Variants in FARP1 observed in about 807,000 individuals in gnomAD.
FARP1 encodes the protein FERM, ARH/RhoGEF and pleckstrin domain protein 1, also known as FERM, ARHGEF and pleckstrin domain-containing protein 1.
FARP1 carries 52 observed loss-of-function variants against 128.8 expected under a neutral mutation model. The ratio of observed to expected loss-of-function variants is 0.40; its 90% confidence interval spans 0.32 to 0.51. FARP1 has a LOEUF of 0.51. Among genes scored for constraint, FARP1 ranks in the 20% least tolerant of loss-of-function variants. FARP1 has a pLI of 0.45. For missense variants in FARP1, 1,333 were observed against 1,367.9 expected, an observed-to-expected ratio of 0.97 and a Z score of 0.40; for synonymous variants, 580 against 551.8, an observed-to-expected ratio of 1.05 and a Z score of -0.72.
chr13:98,157,710 ATT>A (rs1876587773), intron 1 of FARP1, among the ~76,000 whole-genome samples: 1 of 152,178 alleles, frequency 6.6e-6, no homozygotes, highest in Non-Finnish European at 1.5e-5. Flanking sequence ...ACAGCTTATA[ATT>A]GGCAGAGCAG....
At chr13:98,390,774 G>A (rs368490761) in intron 10 of FARP1, 38 bp from the exon 11 acceptor site, 24 of 1,480,042 alleles carry the variant, frequency 1.6e-5, no homozygotes, top group Non-Finnish European at 2.3e-5. Flanking sequence ...AGAATGCCTT[G>A]GTATTTCTCC....
At chr13:98,438,475 C>T (rs1446506841) in intron 19 of FARP1, among the ~76,000 whole-genome samples, 1 of 152,104 alleles carries the variant, frequency 6.6e-6, no homozygotes, top group Non-Finnish European at 1.5e-5. Flanking sequence ...CCCGACCGTC[C>T]GTATCCTTTG....
At chr13:98,435,979 G>T (rs938769057) in intron 19 of FARP1, 1 of 430,236 alleles carries the variant, frequency 2.3e-6, no homozygotes, top group Non-Finnish European at 4.5e-6. Flanking sequence ...TCCCACAGAA[G>T]ATTTGAGATT....
chr13:98,438,813 C>T lies in FARP1; in HGVS notation c.2284C>T (p.Arg762Cys), dbSNP rs745779296. Reference protein sequence around the residue: ...NLVVPGREFIRLGSLSKLSGK... With the variant: ...NLVVPGREFICLGSLSKLSGK... ...TCTGTCTCCCCTGCAGGAGTTCATC[C>T]GTCTGGGCAGCCTCAGCAAGCTCTC... Residue 762 changes from arginine (R) to cysteine (C), a missense_variant, in exon 20 of 27, where the codon CGT (arginine) becomes TGT (cysteine). Arg to Cys is a radical substitution (Grantham distance 180). Coordinates refer to ENST00000319562, the MANE Select transcript of FARP1 (RefSeq NM_005766.4). 138 of 1,612,548 alleles carry T rather than the reference C, an allele frequency of 8.6e-5. 4 individuals are homozygous for T. In the Admixed American group the frequency reaches 1.8e-3, roughly 21 times the overall value.
chr13:98,314,383 G>A (rs1393000012), intron 2 of FARP1, among the ~76,000 whole-genome samples: 1 of 140,540 alleles, frequency 7.1e-6, no homozygotes, highest in Non-Finnish European at 1.5e-5. Flanking sequence ...GGGTTCAAGC[G>A]ATTCTCCTGC....
At chr13:98,373,035 C>G (rs1889415969) in intron 5 of FARP1, among the ~76,000 whole-genome samples, 1 of 152,166 alleles carries the variant, frequency 6.6e-6, no homozygotes, top group Admixed American at 6.5e-5. Flanking sequence ...AGTTAGTACC[C>G]AGGAAGCTAC....
At chr13:98,395,604 G>A (rs769299796) in intron 13 of FARP1, 128 bp downstream of exon 13, 5 of 1,163,716 alleles carry the variant, frequency 4.3e-6, no homozygotes, top group Non-Finnish European at 6.0e-6. Context: ...CCCGGTCCCG[G>A]TCCCAAACAA....
intron 6 of FARP1, among the ~76,000 whole-genome samples, chr13:98,379,439 C>T (rs1889803681): frequency 6.6e-6 from 1 of 151,330 alleles, no homozygotes; most frequent in South Asian, 2.1e-4. Context: ...TTGAGTCTGG[C>T]AGACCTGATT....
At chr13:98,279,398 T>TC (rs147278837) in intron 2 of FARP1, among the ~76,000 whole-genome samples, 12,702 of 152,176 alleles carry the variant, frequency 0.083, 1,081 homozygotes, top group African/African-American at 0.22. Flanking sequence ...AAAAATTTGC[T>TC]CCCCCTTGCA....
Position 98,448,440 on chromosome 13 carries a change from C to T in FARP1, c.*123C>T. Reference sequence around the variant, plus strand: ...AATCAAAAACATGGCTTCCCAGCAGCTCTCCTGTCTCCACAGCCGCGTTTT... The same window carrying T: ...AATCAAAAACATGGCTTCCCAGCAGTTCTCCTGTCTCCACAGCCGCGTTTT... On this transcript the variant is annotated 3_prime_UTR_variant, in exon 27 of 27. Transcript: ENST00000319562. 1.3e-6 allele frequency: 1 copy of T among 793,456 alleles called. No individual in the cohort carries two copies. The highest frequency in any genetic ancestry group is 1.7e-5 in the African/African-American group (1 of 58,742). 49.2% of individuals were successfully genotyped at this position (793,456 alleles called of 1,614,324 possible).
At chr13:98,380,653 A>G (rs1889858299) in intron 6 of FARP1, among the ~76,000 whole-genome samples, 1 of 152,060 alleles carries the variant, frequency 6.6e-6, no homozygotes, top group Admixed American at 6.5e-5. Flanking sequence ...GGCTCACTGC[A>G]GCCTCGACCT....
At chr13:98,181,293 G>A (rs1878491960) in intron 1 of FARP1, among the ~76,000 whole-genome samples, 1 of 152,120 alleles carries the variant, frequency 6.6e-6, no homozygotes, top group South Asian at 2.1e-4. Context: ...ACATCCTGGC[G>A]CTGTGACCGA....
In FARP1 at chr13:98,442,120, T is replaced by C. The variant is rs1023997363; in HGVS notation, c.2796+1284T>C. On this transcript the variant is annotated intron_variant, in intron 24 of 26. Coordinates refer to ENST00000319562, the MANE Select transcript of FARP1 (RefSeq NM_005766.4). The stretch of plus-strand genomic sequence containing the variant: ...TGAATGCTCACGTTTCACCGCAGAA[T>C]CTCTGCCCCCGCGCCCTCTGCGGGG... 5.9e-5 allele frequency among the ~76,000 whole-genome samples: 9 copies of C among 152,320 alleles called. 1 individual carries two copies. Among genetic ancestry groups the C allele is most frequent in the Admixed American group, 5.2e-4 (8 of 15,304 alleles).
intron 6 of FARP1, among the ~76,000 whole-genome samples, chr13:98,382,859 A>G (rs1889938679): frequency 6.6e-6 from 1 of 152,128 alleles, no homozygotes; most frequent in African/African-American, 2.4e-5. Context: ...GTTGTGCTGA[A>G]GCGCTGTCTG....
intron 2 of FARP1, among the ~76,000 whole-genome samples, chr13:98,321,639 A>G (rs1024607054): frequency 1.3e-5 from 2 of 152,194 alleles, no homozygotes; most frequent in African/African-American, 2.4e-5. Context: ...CTCTGTGACA[A>G]ATTACCTGTG....
rs543928456 is a variant in FARP1 at position 98,309,391 on chromosome 13, G to A, written c.172-34371G>A. Among the ~76,000 whole-genome samples the A allele has an allele frequency of 1.7e-4, 26 of 150,182 alleles. No homozygotes were observed. The South Asian group carries it at 5.3e-3, about 31-fold the overall frequency. ...TCACCGTGTTAGCCAGGATGGTCTCGATCTCCTGACCTCGTGATCCGCCCG... is the reference window on the plus strand; with the variant it reads ...TCACCGTGTTAGCCAGGATGGTCTCAATCTCCTGACCTCGTGATCCGCCCG... On this transcript the variant is annotated intron_variant, in intron 2 of 26. Transcript: ENST00000319562.
intron 8 of FARP1, chr13:98,386,079 C>T: frequency 2.4e-6 from 1 of 423,378 alleles, no homozygotes; most frequent in East Asian, 4.5e-5. Flanking sequence ...AAACATGTAG[C>T]TCTCCATGGA....
chr13:98,422,375 G>A (rs1327656037), intron 16 of FARP1, among the ~76,000 whole-genome samples: 1 of 152,172 alleles, frequency 6.6e-6, no homozygotes, highest in Non-Finnish European at 1.5e-5. Context: ...CAGAGGAGCG[G>A]TGCCAATTAA....
intron 1 of FARP1, among the ~76,000 whole-genome samples, chr13:98,181,767 T>C (rs1213511777): frequency 1.3e-5 from 2 of 151,954 alleles, no homozygotes; most frequent in Non-Finnish European, 2.9e-5. Flanking sequence ...GTGCTGGGAT[T>C]ATAGACATGA....
Sources: gnomAD v4.1 joint callset for allele counts (sites outside exome capture counted in the v4.1 genomes callset) on GRCh38, gnomAD v4.1.1 for gene constraint, MANE v1.5 for transcripts, NCBI Gene and HGNC (gene_info 2026-07-23, HGNC 2026-07-21) for gene names.